Variants in EXOC4 observed in about 807,000 individuals in gnomAD.
EXOC4 encodes the protein SEC8-like 1.
A neutral mutation model predicts 107.2 loss-of-function variants in EXOC4; 71 were observed. The observed-to-expected ratio is 0.66, with a 90% confidence interval of 0.55 to 0.81. The LOEUF is 0.81. Among genes scored for constraint, EXOC4 ranks in the 30% least tolerant of loss-of-function variants. The pLI, the probability that EXOC4 is intolerant of heterozygous loss-of-function variation, is 0.00. For synonymous variants in EXOC4, 456 were observed against 441.2 expected (o/e 1.03, Z -0.42); for missense variants, 1,108 against 1,189.6 (o/e 0.93, Z 1.01).
At chr7:133,818,146 G>A (rs910900193) in intron 11 of EXOC4, among the ~76,000 whole-genome samples, 4 of 152,008 alleles carry the variant, frequency 2.6e-5, no homozygotes, top group Non-Finnish European at 5.9e-5. Context: ...ATAGGCTTGA[G>A]GCATATATTT....
At chr7:133,549,530 A>G (rs910947421) in intron 9 of EXOC4, among the ~76,000 whole-genome samples, 3 of 152,158 alleles carry the variant, frequency 2.0e-5, no homozygotes, top group Non-Finnish European at 4.4e-5. Flanking sequence ...CCAAACCATT[A>G]CAATAGTAAC....
intron 13 of EXOC4, among the ~76,000 whole-genome samples, chr7:133,931,732 T>C (rs1409838123): frequency 6.6e-6 from 1 of 152,224 alleles, no homozygotes; most frequent in Admixed American, 6.5e-5. Flanking sequence ...ATTAACATCT[T>C]GGCCTCTAAT....
At chr7:133,864,011 TATTCTC>T (rs572784151) in intron 11 of EXOC4, among the ~76,000 whole-genome samples, 2 of 152,200 alleles carry the variant, frequency 1.3e-5, no homozygotes, top group African/African-American at 4.8e-5. Context: ...TTTGTTGACT[TATTCTC>T]ATCATCATCA....
intron 9 of EXOC4, among the ~76,000 whole-genome samples, chr7:133,550,087 C>T (rs1800556369): frequency 6.6e-6 from 1 of 152,100 alleles, no homozygotes; most frequent in Non-Finnish European, 1.5e-5. Context: ...TGAAGCCATG[C>T]TTTTTGTTAC....
intron 9 of EXOC4, among the ~76,000 whole-genome samples, chr7:133,518,475 T>C (rs920167386): frequency 5.3e-5 from 8 of 151,966 alleles, no homozygotes; most frequent in Non-Finnish European, 4.4e-5. Context: ...CCTGAGGAAA[T>C]TGTGTGAGAT....
At chr7:133,541,736 G>A (rs1800384438) in intron 9 of EXOC4, among the ~76,000 whole-genome samples, 1 of 152,002 alleles carries the variant, frequency 6.6e-6, no homozygotes, top group Admixed American at 6.6e-5. Context: ...CAACTCCTGG[G>A]CTCAAGTATA....
intron 10 of EXOC4, among the ~76,000 whole-genome samples, chr7:133,682,085 A>G (rs2151069185): frequency 6.6e-6 from 1 of 152,074 alleles, no homozygotes; most frequent in African/African-American, 2.4e-5. Flanking sequence ...TTTTTAAGAG[A>G]TGGGATCTTG....
intron 7 of EXOC4, among the ~76,000 whole-genome samples, chr7:133,417,483 T>C (rs1469925908): frequency 1.3e-5 from 2 of 152,268 alleles, no homozygotes; most frequent in East Asian, 3.9e-4. Context: ...AAATCTCATT[T>C]ATAATTAAGA....
chr7:133,907,302 T>G (rs912193958), intron 12 of EXOC4, among the ~76,000 whole-genome samples: 1 of 152,244 alleles, frequency 6.6e-6, no homozygotes, highest in African/African-American at 2.4e-5. Flanking sequence ...ATGCTGGTAT[T>G]TATTCCATTG....
intron 11 of EXOC4, among the ~76,000 whole-genome samples, chr7:133,874,840 T>C (rs143602235): frequency 1.3e-3 from 194 of 152,364 alleles, no homozygotes; most frequent in African/African-American, 4.6e-3. Flanking sequence ...AGCCTCCTGC[T>C]GAATAGACCT....
chr7:133,928,093 A>T lies in EXOC4; in HGVS notation c.2028-9798A>T, dbSNP rs377388516. The stretch of plus-strand genomic sequence containing the variant: ...GTCACTAATTTGTTTTCTAAATTTC[A>T]TTTTTATTTAATTTTAGATATAATT... On this transcript the variant is annotated intron_variant, in intron 13 of 17. Transcript: ENST00000253861. 8.9e-4 allele frequency among the ~76,000 whole-genome samples: 135 copies of T among 152,294 alleles called. 4 individuals are homozygous for T. In the South Asian group the frequency reaches 0.028, roughly 31 times the overall value.
At chr7:133,560,259 CT>C (rs1392456659) in intron 9 of EXOC4, among the ~76,000 whole-genome samples, 20 of 151,888 alleles carry the variant, frequency 1.3e-4, no homozygotes, top group African/African-American at 4.6e-4. Flanking sequence ...GGAAATTTGC[CT>C]TCTTATTTTG....
At chr7:133,934,875 T>C (rs1045885206) in intron 13 of EXOC4, among the ~76,000 whole-genome samples, 6 of 151,582 alleles carry the variant, frequency 4.0e-5, no homozygotes, top group African/African-American at 1.5e-4. Context: ...GGAGACATTG[T>C]TTTGCTTTTC....
chr7:133,690,156 C>T (rs1026594586), intron 10 of EXOC4, among the ~76,000 whole-genome samples: 1 of 152,182 alleles, frequency 6.6e-6, no homozygotes. Flanking sequence ...CTTGGTACTT[C>T]AGCATGAGTT....
intron 13 of EXOC4, among the ~76,000 whole-genome samples, chr7:133,919,648 G>A (rs1415132530): frequency 6.6e-6 from 1 of 152,024 alleles, no homozygotes; most frequent in African/African-American, 2.4e-5. Context: ...GTTTCCTCTT[G>A]AGAATGACTT....
chr7:133,415,225 G>C (rs892067224), intron 7 of EXOC4, among the ~76,000 whole-genome samples: 2 of 152,134 alleles, frequency 1.3e-5, no homozygotes, highest in African/African-American at 4.8e-5. Context: ...TATGAATAAT[G>C]TTGCTATGAG....
chr7:133,254,455 A>G (rs917028119), intron 1 of EXOC4, among the ~76,000 whole-genome samples: 9 of 152,204 alleles, frequency 5.9e-5, no homozygotes, highest in Non-Finnish European at 1.2e-4. Context: ...TCCAATAAGA[A>G]TGTTTGTTGT....
chr7:133,833,739 A>AT (rs1056707552), intron 11 of EXOC4, among the ~76,000 whole-genome samples: 43 of 152,104 alleles, frequency 2.8e-4, no homozygotes, highest in African/African-American at 1.0e-3. Context: ...ATTTTTTTGT[A>AT]TTTTTTGTAG....
chr7:133,939,373 G>A (rs1347068487), intron 14 of EXOC4, among the ~76,000 whole-genome samples: 2 of 152,130 alleles, frequency 1.3e-5, no homozygotes, highest in Non-Finnish European at 2.9e-5. Flanking sequence ...CTACTTGCAT[G>A]GCCTCATGCT....
Sources: gnomAD v4.1 joint callset for allele counts (sites outside exome capture counted in the v4.1 genomes callset) on GRCh38, gnomAD v4.1.1 for gene constraint, MANE v1.5 for transcripts, NCBI Gene and HGNC (gene_info 2026-07-23, HGNC 2026-07-21) for gene names.